The following ENPP2 variants were observed in gnomAD, a reference collection of about 807,000 sequenced individuals.
ENPP2 encodes autotaxin.
Under a neutral mutation model 120.2 loss-of-function variants are expected in ENPP2, and 51 were observed. The observed-to-expected ratio is 0.42, with a 90% confidence interval of 0.34 to 0.54. The LOEUF (loss-of-function observed/expected upper bound fraction) is 0.54, where lower values mean the gene tolerates loss of function less well. Among genes scored for constraint, ENPP2 ranks in the 20% least tolerant of loss-of-function variants. ENPP2 has a pLI of 0.04. For missense variants in ENPP2, 920 were observed against 1,066.5 expected, an observed-to-expected ratio of 0.86 and a Z score of 1.91; for synonymous variants, 365 against 366.4, an observed-to-expected ratio of 1.00 and a Z score of 0.04.
At chr8:119,591,204 G>C (rs761524752) in intron 12 of ENPP2, among the ~76,000 whole-genome samples, 6 of 152,038 alleles carry the variant, frequency 3.9e-5, no homozygotes, top group Non-Finnish European at 8.8e-5. Flanking sequence ...CTGGCAACAA[G>C]AGATGAGAAA....
intron 8 of ENPP2, among the ~76,000 whole-genome samples, chr8:119,612,852 T>C (rs925131946): frequency 1.3e-5 from 2 of 152,202 alleles, no homozygotes; most frequent in African/African-American, 4.8e-5. Context: ...ATCATGCCAC[T>C]GCACTCCAGC....
At chr8:119,659,327 A>AAAAAAAAAAG in intron 1 of ENPP2, among the ~76,000 whole-genome samples, 1 of 150,558 alleles carries the variant, frequency 6.6e-6, no homozygotes, top group African/African-American at 2.4e-5. Flanking sequence ...AATTAAAAAA[A>AAAAAAAAAAG]AAAAAAAAAA....
intron 24 of ENPP2, among the ~76,000 whole-genome samples, chr8:119,560,154 C>T (rs901900618): frequency 2.6e-5 from 4 of 152,156 alleles, no homozygotes; most frequent in Non-Finnish European, 5.9e-5. Context: ...TCTAGGTACA[C>T]CTTAAATGGC....
intron 1 of ENPP2, among the ~76,000 whole-genome samples, chr8:119,648,371 T>G (rs1176178335): frequency 1.3e-5 from 2 of 152,218 alleles, no homozygotes; most frequent in African/African-American, 4.8e-5. Flanking sequence ...AAGTTAAAAA[T>G]GTTTCAATCC....
intron 3 of ENPP2, among the ~76,000 whole-genome samples, chr8:119,624,154 A>T (rs185432309): frequency 1.3e-5 from 2 of 152,316 alleles, no homozygotes; most frequent in African/African-American, 4.8e-5. Flanking sequence ...TACTTACAAA[A>T]GAATATCATT....
At chr8:119,595,986 G>A (rs962450148) in intron 11 of ENPP2, 1 of 1,613,890 alleles carries the variant, frequency 6.2e-7, no homozygotes, top group African/African-American at 1.3e-5. Flanking sequence ...AGTAAAAGGT[G>A]AGCCATAACT....
intron 2 of ENPP2, among the ~76,000 whole-genome samples, chr8:119,633,880 C>T (rs1192218430): frequency 6.6e-6 from 1 of 151,380 alleles, no homozygotes; most frequent in African/African-American, 2.4e-5. Context: ...GCTTTCAAAA[C>T]ATTTATAAAC....
chr8:119,557,763 C>T (rs1239791213), intron 24 of ENPP2, 72 bp from the exon 25 acceptor site: 3 of 1,333,440 alleles, frequency 2.2e-6, no homozygotes, highest in Non-Finnish European at 3.1e-6. Context: ...CAGTTTACTC[C>T]AAGTCCACAA....
chr8:119,638,937 G>A (rs1817174381), upstream of ENPP2: 14 of 853,906 alleles, frequency 1.6e-5, no homozygotes, highest in South Asian at 2.1e-4. Flanking sequence ...TACATCACAG[G>A]GTGTTCACAA....
intron 1 of ENPP2, among the ~76,000 whole-genome samples, chr8:119,645,472 C>G (rs1215085660): frequency 6.6e-6 from 1 of 152,162 alleles, no homozygotes; most frequent in Non-Finnish European, 1.5e-5. Context: ...AAATTTTCTT[C>G]CTATGTGATA....
intron 13 of ENPP2, among the ~76,000 whole-genome samples, chr8:119,589,901 C>G (rs1039944358): frequency 6.6e-6 from 1 of 152,132 alleles, no homozygotes; most frequent in Non-Finnish European, 1.5e-5. Context: ...AGATCATAAC[C>G]TGAACATGTA....
chr8:119,661,616 C>T (rs2130897179), intron 1 of ENPP2, among the ~76,000 whole-genome samples: 1 of 152,162 alleles, frequency 6.6e-6, no homozygotes. Context: ...GTAGGGACTT[C>T]ACAAACAATC....
At chr8:119,579,610 T>C (rs1812587038) in intron 19 of ENPP2, among the ~76,000 whole-genome samples, 1 of 151,880 alleles carries the variant, frequency 6.6e-6, no homozygotes, top group African/African-American at 2.4e-5. Flanking sequence ...AGTTCACTAA[T>C]ACGTGCTCGT....
At chr8:119,637,739 T>C (rs571939312) in intron 2 of ENPP2, among the ~76,000 whole-genome samples, 69 of 152,202 alleles carry the variant, frequency 4.5e-4, no homozygotes, top group Non-Finnish European at 6.9e-4. Context: ...GCCCCCTCTG[T>C]CTGCACAAGG....
intron 1 of ENPP2, among the ~76,000 whole-genome samples, chr8:119,662,744 C>G (rs1323806036): frequency 6.6e-6 from 1 of 152,146 alleles, no homozygotes; most frequent in Non-Finnish European, 1.5e-5. Context: ...CATAGTTAAC[C>G]AATCCCTGAT....
intron 1 of ENPP2, among the ~76,000 whole-genome samples, chr8:119,667,758 T>G (rs996131390): frequency 6.6e-6 from 1 of 152,224 alleles, no homozygotes; most frequent in Non-Finnish European, 1.5e-5. Context: ...CAGATTGATC[T>G]TTCCAAGACC....
At chr8:119,572,592 A>G (rs1198236945) in intron 19 of ENPP2, 1 of 207,316 alleles carries the variant, frequency 4.8e-6, no homozygotes, top group Non-Finnish European at 9.8e-6. Flanking sequence ...ACACTATCAT[A>G]TATGCTATTT....
In ENPP2 at chr8:119,673,251, C is replaced by A; in HGVS notation, c.21+1G>T. On this transcript the variant is annotated splice_donor_variant, in intron 1 of 25. Transcript: ENST00000427067. LOFTEE classifies it high-confidence loss of function. ...CGGGTAGAGAGAGGCGCATACCGTACCCGATCGGCGTGGCGGGTCATGCTG... is the reference window on the plus strand; with the variant it reads ...CGGGTAGAGAGAGGCGCATACCGTAACCGATCGGCGTGGCGGGTCATGCTG... 1 of 1,534,872 alleles carries A rather than the reference C, an allele frequency of 6.5e-7. No individual in the cohort carries two copies. Among genetic ancestry groups the A allele is most frequent in the East Asian group, 2.4e-5 (1 of 40,870 alleles).
chr8:119,602,481 G>C (rs949470166), intron 9 of ENPP2, among the ~76,000 whole-genome samples: 2 of 149,392 alleles, frequency 1.3e-5, no homozygotes, highest in Admixed American at 1.3e-4. Context: ...AAAAAGAATA[G>C]GCACATATAA....
Sources: gnomAD v4.1 joint callset for allele counts (sites outside exome capture counted in the v4.1 genomes callset) on GRCh38, gnomAD v4.1.1 for gene constraint, MANE v1.5 for transcripts, NCBI Gene and HGNC (gene_info 2026-07-23, HGNC 2026-07-21) for gene names.